The following NEK1 variants were observed in gnomAD, a reference collection of about 807,000 sequenced individuals.
NEK1 encodes serine/threonine-protein kinase Nek1.
A neutral mutation model predicts 182.1 loss-of-function variants in NEK1; 137 were observed. That is an observed-to-expected ratio of 0.75 (90% confidence interval 0.65 to 0.87). The LOEUF (loss-of-function observed/expected upper bound fraction) is 0.87. NEK1 is among the 40% of genes least tolerant of loss of function. The probability of loss-of-function intolerance (pLI) is 0.00; values close to 1 mark genes in which losing one functional copy is unlikely to be tolerated. For missense variants in NEK1, 1,391 were observed against 1,494.4 expected, an observed-to-expected ratio of 0.93 and a Z score of 1.14; for synonymous variants, 513 against 492.2, an observed-to-expected ratio of 1.04 and a Z score of -0.56.
chr4:169,442,435 C>T (rs962545407), intron 27 of NEK1, among the ~76,000 whole-genome samples: 33 of 151,796 alleles, frequency 2.2e-4, no homozygotes, highest in African/African-American at 6.1e-4. Context: ...GATACATATA[C>T]GGGAAAAAGT....
chr4:169,499,088 G>T (rs1326923969), intron 23 of NEK1, among the ~76,000 whole-genome samples: 1 of 152,104 alleles, frequency 6.6e-6, no homozygotes, highest in African/African-American at 2.4e-5. Context: ...ATAATTCTTG[G>T]AGGCTTTGTT....
At chr4:169,492,015 A>C (rs1750178182) in intron 23 of NEK1, among the ~76,000 whole-genome samples, 1 of 152,210 alleles carries the variant, frequency 6.6e-6, no homozygotes, top group African/African-American at 2.4e-5. Flanking sequence ...ACAAATGAGA[A>C]CGAGAAAGGA....
chr4:169,611,597 T>G (rs1233042801), intron 2 of NEK1, among the ~76,000 whole-genome samples: 1 of 152,194 alleles, frequency 6.6e-6, no homozygotes, highest in Non-Finnish European at 1.5e-5. Flanking sequence ...TATGATAAAC[T>G]CTTAAAGTAG....
intron 2 of NEK1, among the ~76,000 whole-genome samples, chr4:169,605,918 TG>T (rs1458282520): frequency 1.3e-5 from 2 of 152,072 alleles, no homozygotes. Flanking sequence ...AATAAAGCAA[TG>T]AATTCAGAAT....
At chr4:169,429,332 T>A (rs1160643325) in intron 29 of NEK1, among the ~76,000 whole-genome samples, 1 of 152,200 alleles carries the variant, frequency 6.6e-6, no homozygotes, top group East Asian at 1.9e-4. Flanking sequence ...TGCTTCTTTG[T>A]GCTCATGTAT....
At chr4:169,428,355 T>TATATATATATATAG (rs1736787100) in intron 29 of NEK1, among the ~76,000 whole-genome samples, 1 of 141,300 alleles carries the variant, frequency 7.1e-6, no homozygotes, top group East Asian at 2.2e-4. Flanking sequence ...ATATGGGATA[T>TATATATATATATAG]ATATATATAT....
chr4:169,409,473 G>C (rs1395507597), intron 31 of NEK1, among the ~76,000 whole-genome samples: 2 of 145,406 alleles, frequency 1.4e-5, no homozygotes, highest in African/African-American at 5.0e-5. Context: ...TCTTAATTAT[G>C]GCCATTCTTG....
chr4:169,432,394 A>G (rs1184410986), intron 29 of NEK1, among the ~76,000 whole-genome samples: 1 of 152,216 alleles, frequency 6.6e-6, no homozygotes, highest in East Asian at 1.9e-4. Context: ...TATTACAGAT[A>G]TATACACATA....
chr4:169,457,449 GA>G (rs922800608), intron 27 of NEK1, among the ~76,000 whole-genome samples: 1 of 148,006 alleles, frequency 6.8e-6, no homozygotes, highest in African/African-American at 2.5e-5. Flanking sequence ...AAAGACTGGA[GA>G]AAAAAAAACA....
chr4:169,561,933 G>A, intron 13 of NEK1, 42 bp from the exon 14 acceptor site: 5 of 1,515,654 alleles, frequency 3.3e-6, no homozygotes, highest in Non-Finnish European at 4.5e-6. Flanking sequence ...AATAATTCCT[G>A]TTTTTTCTAG....
Position 169,555,732 on chromosome 4 carries a change from G to C in NEK1, c.1550C>G (p.Ala517Gly), listed in dbSNP as rs778294994. 51 of 1,613,644 alleles carry C rather than the reference G, an allele frequency of 3.2e-5. No homozygotes were observed. Among genetic ancestry groups the C allele is most frequent in the Non-Finnish European group, 4.2e-5 (50 of 1,179,750 alleles). The change falls in exon 18 of 36, where the codon GCC (alanine) becomes GGC (glycine). Residue 517 changes from alanine (A) to glycine (G), a missense_variant. Ala to Gly is a moderately conservative substitution (Grantham distance 60). Transcript: ENST00000507142. ...ATCACAGTCCAACCTGTTTGCATTG[G>C]CTTGTTTAGACACCGCCTTCAATCT... ...LKRLKAVSKQ[A>G]NANRQKGQLA...
chr4:169,477,147 T>C lies in NEK1; in HGVS notation c.2411A>G (p.Asp804Gly), dbSNP rs772431190. Residue 804 changes from aspartate to glycine, a missense_variant, in exon 26 of 36, where the codon GAT (aspartate) becomes GGT (glycine). Asp to Gly is a moderately conservative substitution (Grantham distance 94). Coordinates refer to ENST00000507142, the MANE Select transcript of NEK1 (RefSeq NM_001199397.3). ...ACTTTCAGTTGTAGAGAAGGATGTATCTAGTGTTAACTCATCCAGAGGAAT... is the reference window on the plus strand; with the variant it reads ...ACTTTCAGTTGTAGAGAAGGATGTACCTAGTGTTAACTCATCCAGAGGAAT... ...LVIPLDELTL[D>G]TSFSTTERHT... 2.2e-5 allele frequency: 36 copies of C among 1,603,368 alleles called. No homozygotes were observed. The highest frequency in any genetic ancestry group is 3.0e-5 in the Non-Finnish European group (35 of 1,174,126).
At chr4:169,444,732 A>G (rs1343487612) in intron 27 of NEK1, among the ~76,000 whole-genome samples, 2 of 152,204 alleles carry the variant, frequency 1.3e-5, no homozygotes, top group African/African-American at 4.8e-5. Flanking sequence ...TTTGATTTAA[A>G]CTGCACTTTA....
chr4:169,609,009 T>G (rs1203823674), intron 2 of NEK1, among the ~76,000 whole-genome samples: 1 of 141,582 alleles, frequency 7.1e-6, no homozygotes, highest in East Asian at 2.0e-4. Context: ...TGCAGTGAGC[T>G]GAGATCACAC....
chr4:169,530,303 T>C (rs1757474263), intron 19 of NEK1, among the ~76,000 whole-genome samples: 1 of 152,214 alleles, frequency 6.6e-6, no homozygotes, highest in Non-Finnish European at 1.5e-5. Flanking sequence ...TTCCCACTTA[T>C]GATAGTTTGA....
rs111881865 is a variant in NEK1 at position 169,466,236 on chromosome 4, G to GA, written c.2435-2842dup. On this transcript the variant is annotated intron_variant, in intron 26 of 35. Transcript: ENST00000507142. ...AACTCGTCCATTCATACTGAAGACA[G>GA]AAAAAAAAATAGAATAAATAATGGC... Among the ~76,000 whole-genome samples, 82 of 150,214 alleles carry GA rather than the reference G, an allele frequency of 5.5e-4. No homozygotes were observed. In the East Asian group the frequency reaches 6.0e-3, roughly 11 times the overall value.
chr4:169,570,363 G>C (rs980125644), intron 12 of NEK1, among the ~76,000 whole-genome samples: 1 of 151,626 alleles, frequency 6.6e-6, no homozygotes, highest in Non-Finnish European at 1.5e-5. Context: ...AGGGAGGTGG[G>C]GGTCAGCCCC....
intron 12 of NEK1, among the ~76,000 whole-genome samples, chr4:169,569,846 C>T (rs1764385462): frequency 6.6e-6 from 1 of 152,206 alleles, no homozygotes; most frequent in African/African-American, 2.4e-5. Flanking sequence ...TCGCTACAAC[C>T]TCCACCTCCC....
chr4:169,605,055 T>C (rs911602273), intron 2 of NEK1, among the ~76,000 whole-genome samples: 3 of 152,140 alleles, frequency 2.0e-5, no homozygotes, highest in African/African-American at 7.2e-5. Flanking sequence ...CAAGATAAAC[T>C]CATCTTAGTA....
Sources: allele counts gnomAD v4.1 joint callset (sites outside exome capture counted in the v4.1 genomes callset), GRCh38; gene constraint gnomAD v4.1.1; transcripts MANE v1.5; gene names NCBI Gene and HGNC (gene_info 2026-07-23, HGNC 2026-07-21).